NRXN1: variants seen among roughly 807,000 people sequenced by gnomAD.
The protein encoded by NRXN1 is neurexin 1.
In NRXN1, 39 loss-of-function variants were observed where a neutral mutation model predicts 150.9. The ratio of observed to expected loss-of-function variants is 0.26; its 90% CI spans 0.20 to 0.34. The LOEUF is 0.34. Among genes scored for constraint, NRXN1 ranks in the 10% least tolerant of loss-of-function variants. The pLI is 1.00. For synonymous variants in NRXN1, 924 were observed against 757.0 expected (o/e 1.22, Z -3.62); for missense variants, 1,815 against 1,949.9 (o/e 0.93, Z 1.30).
chr2:50,479,388 C>G (rs1320174795), intron 15 of NRXN1, among the ~76,000 whole-genome samples: 2 of 152,108 alleles, frequency 1.3e-5, no homozygotes, highest in African/African-American at 4.8e-5. Context: ...GAAATGTGTA[C>G]CTGTTTCCTT....
chr2:50,269,512 A>G (rs1018619835), intron 17 of NRXN1, among the ~76,000 whole-genome samples: 5 of 152,338 alleles, frequency 3.3e-5, no homozygotes, highest in East Asian at 3.9e-4. Context: ...TATCTGGCCA[A>G]TGGAATTCTT....
At chr2:50,172,146 C>A (rs73932966) in intron 18 of NRXN1, among the ~76,000 whole-genome samples, 1 of 152,028 alleles carries the variant, frequency 6.6e-6, no homozygotes, top group Admixed American at 6.6e-5. Flanking sequence ...GGCAACAGCG[C>A]CTTCTGAAAT....
chr2:50,220,313 C>T (rs995529119), intron 18 of NRXN1, among the ~76,000 whole-genome samples: 1 of 151,780 alleles, frequency 6.6e-6, no homozygotes, highest in African/African-American at 2.4e-5. Context: ...AAGACCAAGA[C>T]AGAGTGTGCA....
At chr2:50,822,831 T>C (rs367655644) in intron 5 of NRXN1, among the ~76,000 whole-genome samples, 5 of 152,186 alleles carry the variant, frequency 3.3e-5, no homozygotes, top group African/African-American at 1.2e-4. Context: ...CTTAAGCCCC[T>C]ATCTAGAATT....
At chr2:50,073,975 T>C (rs561732398) in intron 19 of NRXN1, among the ~76,000 whole-genome samples, 131 of 152,278 alleles carry the variant, frequency 8.6e-4, no homozygotes, top group Non-Finnish European at 1.4e-3. Context: ...TAGTTTTTGT[T>C]TGCACATTTT....
intron 5 of NRXN1, among the ~76,000 whole-genome samples, chr2:50,752,069 G>T (rs183054538): frequency 2.6e-5 from 4 of 151,952 alleles, no homozygotes; most frequent in Admixed American, 2.6e-4. Flanking sequence ...TCACGTGCAG[G>T]CTGTTACAAA....
intron 17 of NRXN1, among the ~76,000 whole-genome samples, chr2:50,257,150 G>A (rs1424164956): frequency 2.0e-5 from 3 of 151,974 alleles, no homozygotes; most frequent in South Asian, 2.1e-4. Flanking sequence ...TATTCAAAGA[G>A]CTAAAATTAT....
chr2:50,686,576 A>G (rs1437989835), intron 5 of NRXN1, among the ~76,000 whole-genome samples: 1 of 152,216 alleles, frequency 6.6e-6, no homozygotes, highest in Non-Finnish European at 1.5e-5. Context: ...AAAGAAAACA[A>G]TCTATAAAAT....
intron 18 of NRXN1, among the ~76,000 whole-genome samples, chr2:50,194,232 T>C (rs1316027374): frequency 6.6e-6 from 1 of 152,156 alleles, no homozygotes; most frequent in African/African-American, 2.4e-5. Context: ...GCTTCCTTCA[T>C]ATTCAATCTT....
chr2:49,940,562 G>A (rs908449727), intron 22 of NRXN1, among the ~76,000 whole-genome samples: 2 of 152,074 alleles, frequency 1.3e-5, no homozygotes, highest in Non-Finnish European at 2.9e-5. Flanking sequence ...ACTTAAACAG[G>A]ATTCAAAACA....
At chr2:50,073,896 T>C (rs1195452621) in intron 19 of NRXN1, among the ~76,000 whole-genome samples, 1 of 152,192 alleles carries the variant, frequency 6.6e-6, no homozygotes, top group African/African-American at 2.4e-5. Flanking sequence ...AAAATAGGCA[T>C]ATTTTATAGC....
intron 18 of NRXN1, among the ~76,000 whole-genome samples, chr2:50,178,689 G>C (rs1002348786): frequency 1.3e-5 from 2 of 152,080 alleles, no homozygotes; most frequent in African/African-American, 4.8e-5. Flanking sequence ...GCTATGAGTA[G>C]ATTTCTATAG....
At chr2:51,008,091 G>T (rs897517093) in intron 2 of NRXN1, among the ~76,000 whole-genome samples, 4 of 151,848 alleles carry the variant, frequency 2.6e-5, no homozygotes, top group Admixed American at 2.6e-4. Flanking sequence ...ATATCTAGAG[G>T]TTGCTCTTTG....
chr2:50,714,435 C>G (rs191192237), intron 5 of NRXN1, among the ~76,000 whole-genome samples: 1 of 151,992 alleles, frequency 6.6e-6, no homozygotes, highest in Admixed American at 6.6e-5. Flanking sequence ...GGTGCATGTC[C>G]AACATCAGGG....
At chr2:50,342,883 T>A (rs2077655416) in intron 17 of NRXN1, among the ~76,000 whole-genome samples, 1 of 152,234 alleles carries the variant, frequency 6.6e-6, no homozygotes, top group South Asian at 2.1e-4. Context: ...TTTGGCCCAT[T>A]TATGGTATGC....
intron 17 of NRXN1, among the ~76,000 whole-genome samples, chr2:50,354,722 G>A (rs554639402): frequency 6.6e-6 from 1 of 151,460 alleles, no homozygotes; most frequent in South Asian, 2.1e-4. Context: ...CATCCAAATA[G>A]TCACCATAAC....
chr2:50,666,879 A>ATGTGTG (rs34096569), intron 5 of NRXN1, among the ~76,000 whole-genome samples: 71 of 107,862 alleles, frequency 6.6e-4, no homozygotes, highest in South Asian at 2.2e-3. Context: ...GATGATGATG[A>ATGTGTG]TGTGTGTGTG....
intron 5 of NRXN1, among the ~76,000 whole-genome samples, chr2:50,844,501 C>A (rs1673347503): frequency 6.6e-6 from 1 of 152,180 alleles, no homozygotes; most frequent in African/African-American, 2.4e-5. Flanking sequence ...TATATTCTCA[C>A]ATGTACTCAG....
intron 12 of NRXN1, among the ~76,000 whole-genome samples, chr2:50,513,309 T>C (rs1382465721): frequency 2.6e-5 from 4 of 152,184 alleles, no homozygotes; most frequent in Admixed American, 6.5e-5. Flanking sequence ...TCAAATACAC[T>C]ATACACTATA....
Sources: allele counts gnomAD v4.1 joint callset (sites outside exome capture counted in the v4.1 genomes callset), GRCh38; gene constraint gnomAD v4.1.1; transcripts MANE v1.5; gene names NCBI Gene and HGNC (gene_info 2026-07-23, HGNC 2026-07-21).